Variants in LRGUK observed in about 807,000 individuals in gnomAD.
LRGUK encodes the protein leucine rich repeats and guanylate kinase domain containing.
In LRGUK, 65 loss-of-function variants were observed where a neutral mutation model predicts 76.0. That is an observed-to-expected ratio of 0.85 (90% CI 0.70 to 1.05). LRGUK has a LOEUF of 1.05. Ranked by LOEUF, LRGUK falls within the 50% of genes least tolerant of loss-of-function variation. The probability of loss-of-function intolerance (pLI) is 0.00; values close to 1 mark genes in which losing one functional copy is unlikely to be tolerated. For missense variants in LRGUK, 758 were observed against 732.8 expected (o/e 1.03, Z -0.40); for synonymous variants, 268 against 265.6 (o/e 1.01, Z -0.09).
At chr7:134,173,838 G>A (rs911710969) in intron 7 of LRGUK, among the ~76,000 whole-genome samples, 3 of 152,108 alleles carry the variant, frequency 2.0e-5, no homozygotes, top group Non-Finnish European at 2.9e-5. Flanking sequence ...GGCTTTGGCC[G>A]GGTGGCTCAT....
At chr7:134,170,172 C>G (rs1799181178) in intron 7 of LRGUK, among the ~76,000 whole-genome samples, 1 of 151,828 alleles carries the variant, frequency 6.6e-6, no homozygotes, top group Admixed American at 6.6e-5. Context: ...CTATTCATGC[C>G]CTTAACTATC....
At chr7:134,255,413 G>A (rs866117396) in intron 18 of LRGUK, among the ~76,000 whole-genome samples, 11 of 152,158 alleles carry the variant, frequency 7.2e-5, no homozygotes, top group South Asian at 4.1e-4. Flanking sequence ...CAAAAGGCTC[G>A]AATCTTTGTG....
At chr7:134,236,475 C>T (rs1242852023) in intron 16 of LRGUK, among the ~76,000 whole-genome samples, 1 of 152,200 alleles carries the variant, frequency 6.6e-6, no homozygotes, top group Non-Finnish European at 1.5e-5. Flanking sequence ...GCATCTCCCA[C>T]AATTTGGGTT....
intron 1 of LRGUK, among the ~76,000 whole-genome samples, chr7:134,131,348 T>C (rs921532301): frequency 3.6e-4 from 55 of 152,366 alleles, no homozygotes; most frequent in Non-Finnish European, 7.3e-4. Flanking sequence ...AAGACATACA[T>C]GGTCCCTGCT....
intron 18 of LRGUK, among the ~76,000 whole-genome samples, chr7:134,252,209 G>A (rs1336282496): frequency 1.3e-5 from 2 of 151,872 alleles, no homozygotes; most frequent in African/African-American, 4.8e-5. Flanking sequence ...ATGGTGGTGT[G>A]TGCCTGTCGT....
At chr7:134,173,128 A>G (rs1490902675) in intron 7 of LRGUK, among the ~76,000 whole-genome samples, 1 of 152,246 alleles carries the variant, frequency 6.6e-6, no homozygotes, top group Non-Finnish European at 1.5e-5. Flanking sequence ...AAAAAAGATA[A>G]TCCAAATGGC....
At chr7:134,134,947 A>G (rs1797463602) in intron 1 of LRGUK, among the ~76,000 whole-genome samples, 1 of 152,154 alleles carries the variant, frequency 6.6e-6, no homozygotes, top group Non-Finnish European at 1.5e-5. Flanking sequence ...AAAATATTAA[A>G]AGAAGGTGTT....
At chr7:134,205,416 A>G (rs1800962374) in intron 15 of LRGUK, among the ~76,000 whole-genome samples, 1 of 152,148 alleles carries the variant, frequency 6.6e-6, no homozygotes, top group South Asian at 2.1e-4. Flanking sequence ...CAGAGTCACC[A>G]TCATGTGCCC....
chr7:134,251,299 T>C (rs188524315), intron 18 of LRGUK, among the ~76,000 whole-genome samples: 1 of 152,240 alleles, frequency 6.6e-6, no homozygotes, highest in East Asian at 1.9e-4. Context: ...GGAGAATACC[T>C]TGTGATGAAG....
downstream of LRGUK, among the ~76,000 whole-genome samples, chr7:134,213,092 C>G (rs1459867440): frequency 6.6e-6 from 1 of 152,172 alleles, no homozygotes. Flanking sequence ...ACCACGTACG[C>G]CTAAGCAGAG....
At chr7:134,234,723 G>A (rs1318407044) in intron 16 of LRGUK, among the ~76,000 whole-genome samples, 1 of 151,622 alleles carries the variant, frequency 6.6e-6, no homozygotes, top group Non-Finnish European at 1.5e-5. Flanking sequence ...AGGATCTGAG[G>A]GCTCAGTTCT....
chr7:134,131,482 C>CTCTTG (rs1222297159), intron 1 of LRGUK, among the ~76,000 whole-genome samples: 1 of 152,186 alleles, frequency 6.6e-6, no homozygotes, highest in Non-Finnish European at 1.5e-5. Flanking sequence ...GGGAAGGAGA[C>CTCTTG]TCTTGCCTGG....
chr7:134,243,589 A>G (rs1388945557), intron 16 of LRGUK, among the ~76,000 whole-genome samples: 1 of 152,164 alleles, frequency 6.6e-6, no homozygotes, highest in Non-Finnish European at 1.5e-5. Context: ...ATGCTCATGG[A>G]TAGGAAGAAT....
intron 16 of LRGUK, among the ~76,000 whole-genome samples, chr7:134,225,125 GAAAAAAAA>G (rs769671717): frequency 6.6e-5 from 4 of 60,886 alleles, no homozygotes; most frequent in East Asian, 1.1e-3. Context: ...AACAGAACTG[GAAAAAAAA>G]AAAAAAAAAA....
At chr7:134,270,970 T>C in the LRGUK span, among the ~76,000 whole-genome samples, 1 of 152,012 alleles carries the variant, frequency 6.6e-6, no homozygotes, top group African/African-American at 2.4e-5. Context: ...TTTCAGCAAG[T>C]GGCATTAATA....
rs1312577313 is a variant in LRGUK at position 134,249,003 on chromosome 7, G to T, written c.2125G>T (p.Glu709Ter). The change falls in exon 18 of 20, where the codon GAA (glutamate) becomes TAA (stop). Residue 709 changes from glutamate (E) to a stop codon, truncating the protein, a stop_gained. Transcript: ENST00000285928. LOFTEE classifies it high-confidence loss of function. ...TGGTCTACACTATTATACAACTTTAGAAGAACTCTGGAAAAGTTTTGATCT... is the reference window on the plus strand; with the variant it reads ...TGGTCTACACTATTATACAACTTTATAAGAACTCTGGAAAAGTTTTGATCT... The T allele has an allele frequency of 1.1e-5, 17 of 1,601,216 alleles. No individual in the cohort carries two copies. The highest frequency in any genetic ancestry group is 1.4e-5 in the Non-Finnish European group (17 of 1,172,822).
At chr7:134,208,707 G>T (rs1801108047) in exon 16 of LRGUK, 1 of 398,808 alleles carries the variant, frequency 2.5e-6, no homozygotes, top group Non-Finnish European at 4.4e-6. Context: ...ATTAAAGCAG[G>T]AGCTCCCGCT....
chr7:134,221,903 C>G, exon 16 of LRGUK: 1 of 1,588,572 alleles, frequency 6.3e-7, no homozygotes. Context: ...AACTTTCAGC[C>G]AAAAAAACAC....
chr7:134,216,736 A>T (rs1801445162), intron 15 of LRGUK, among the ~76,000 whole-genome samples: 1 of 152,176 alleles, frequency 6.6e-6, no homozygotes, highest in African/African-American at 2.4e-5. Flanking sequence ...ATTGAGACAA[A>T]GACCAGCTTC....
Sources: gnomAD v4.1 joint callset for allele counts (sites outside exome capture counted in the v4.1 genomes callset) on GRCh38, gnomAD v4.1.1 for gene constraint, MANE v1.5 for transcripts, NCBI Gene and HGNC (gene_info 2026-07-23, HGNC 2026-07-21) for gene names.